The following RBFOX1 variants were observed in gnomAD, a reference collection of about 807,000 sequenced individuals.
RBFOX1 encodes RNA binding protein fox-1 homolog 1.
A neutral mutation model predicts 57.7 loss-of-function variants in RBFOX1; 8 were observed. The observed-to-expected ratio is 0.14, with a 90% CI of 0.08 to 0.25. The LOEUF is 0.25. RBFOX1 is among the 10% of genes least tolerant of loss of function. RBFOX1 has a pLI of 1.00. For synonymous variants in RBFOX1, 326 were observed against 222.4 expected (o/e 1.47, Z -4.15); for missense variants, 611 against 548.5 (o/e 1.11, Z -1.14).
intron 1 of RBFOX1, among the ~76,000 whole-genome samples, chr16:6,107,386 C>T (rs2096394193): frequency 6.6e-6 from 1 of 152,108 alleles, no homozygotes; most frequent in Admixed American, 6.5e-5. Context: ...TTCTTATCCA[C>T]ATGCTCAGGG....
intron 3 of RBFOX1, among the ~76,000 whole-genome samples, chr16:7,006,920 C>T (rs72776250): frequency 0.027 from 4,086 of 152,198 alleles, 126 homozygotes; most frequent in African/African-American, 0.074. Flanking sequence ...ATGGACGCAC[C>T]GTCTTGTCTC....
intron 3 of RBFOX1, among the ~76,000 whole-genome samples, chr16:6,810,413 C>A (rs1603627623): frequency 6.6e-6 from 1 of 152,082 alleles, no homozygotes; most frequent in African/African-American, 2.4e-5. Flanking sequence ...GACAATGGTA[C>A]TTTTTCCTGG....
At chr16:6,731,084 C>G (rs1277741199) in intron 3 of RBFOX1, among the ~76,000 whole-genome samples, 1 of 152,124 alleles carries the variant, frequency 6.6e-6, no homozygotes, top group Non-Finnish European at 1.5e-5. Flanking sequence ...TATCCTTTAC[C>G]TTTGGAAAAC....
At chr16:6,551,591 C>A (rs560875866) in intron 2 of RBFOX1, among the ~76,000 whole-genome samples, 1 of 152,064 alleles carries the variant, frequency 6.6e-6, no homozygotes, top group African/African-American at 2.4e-5. Flanking sequence ...CATAATTGAT[C>A]TGAAGGGGAG....
At chr16:7,393,731 G>C (rs2098087239) in intron 4 of RBFOX1, among the ~76,000 whole-genome samples, 1 of 151,944 alleles carries the variant, frequency 6.6e-6, no homozygotes, top group Admixed American at 6.5e-5. Context: ...ATCTGTCTTT[G>C]GCCACAAGGT....
chr16:7,626,369 C>A (rs184273544), intron 10 of RBFOX1, among the ~76,000 whole-genome samples: 239 of 152,318 alleles, frequency 1.6e-3, no homozygotes, highest in Non-Finnish European at 2.7e-3. Flanking sequence ...CATCTGAGAC[C>A]TTGGCACTGG....
At chr16:6,693,708 C>T (rs1195459345) in intron 3 of RBFOX1, among the ~76,000 whole-genome samples, 1 of 150,608 alleles carries the variant, frequency 6.6e-6, no homozygotes, top group Non-Finnish European at 1.5e-5. Context: ...CATCATCCTC[C>T]TCCACTACCA....
intron 3 of RBFOX1, among the ~76,000 whole-genome samples, chr16:6,894,824 A>C (rs1211313376): frequency 6.6e-6 from 1 of 152,236 alleles, no homozygotes; most frequent in Non-Finnish European, 1.5e-5. Context: ...TTTAGGTAGT[A>C]GTCCAGAATA....
At chr16:7,002,838 C>G (rs1473337115) in intron 3 of RBFOX1, among the ~76,000 whole-genome samples, 1 of 152,146 alleles carries the variant, frequency 6.6e-6, no homozygotes, top group East Asian at 1.9e-4. Flanking sequence ...GGAAATTAGG[C>G]TGATAGGAGT....
Position 6,894,000 on chromosome 16 carries a change from G to A in RBFOX1, c.-15-158057G>A, listed in dbSNP as rs529552651. Among the ~76,000 whole-genome samples, 33 of 152,248 alleles carry A rather than the reference G, an allele frequency of 2.2e-4. 2 individuals are homozygous for A. In the South Asian group the frequency reaches 6.6e-3, roughly 31 times the overall value. ...TCTAATATCCCAAAGACAGTGCTAT[G>A]ATGTCTTCTAATATCCCAAAGACAG... On this transcript the variant is annotated intron_variant, in intron 3 of 15. Coordinates refer to ENST00000550418, the MANE Select transcript of RBFOX1 (RefSeq NM_018723.4).
chr16:5,925,818 C>T (rs750426716), intron 4 of RBFOX1, among the ~76,000 whole-genome samples: 11 of 152,168 alleles, frequency 7.2e-5, no homozygotes, highest in Middle Eastern at 3.2e-3. Context: ...GCTCACACAT[C>T]GGCATAAACC....
At chr16:6,510,416 G>T (rs894387763) in intron 2 of RBFOX1, among the ~76,000 whole-genome samples, 1 of 152,224 alleles carries the variant, frequency 6.6e-6, no homozygotes, top group East Asian at 1.9e-4. Flanking sequence ...TTGATGACAC[G>T]CTGAGTCCCT....
At chr16:6,835,614 A>C (rs928941634) in intron 3 of RBFOX1, among the ~76,000 whole-genome samples, 1 of 151,900 alleles carries the variant, frequency 6.6e-6, no homozygotes, top group African/African-American at 2.4e-5. Flanking sequence ...GTAGCTGGGC[A>C]TGGTGGTGCA....
At chr16:5,294,540 C>G (rs542230770) in intron 1 of RBFOX1, among the ~76,000 whole-genome samples, 1 of 152,292 alleles carries the variant, frequency 6.6e-6, no homozygotes, top group South Asian at 2.1e-4. Context: ...CCCTCGTAAC[C>G]AGGTAGCTCC....
At chr16:5,342,783 A>G (rs1035143276) in intron 1 of RBFOX1, among the ~76,000 whole-genome samples, 1 of 152,172 alleles carries the variant, frequency 6.6e-6, no homozygotes, top group African/African-American at 2.4e-5. Context: ...TGGTATTGCA[A>G]CATGTCAGCA....
intron 4 of RBFOX1, among the ~76,000 whole-genome samples, chr16:7,167,106 C>T (rs900689195): frequency 2.0e-5 from 3 of 149,536 alleles, no homozygotes; most frequent in East Asian, 4.0e-4. Flanking sequence ...CTGCCTCAGC[C>T]TCCTGAGTAG....
intron 3 of RBFOX1, chr16:5,838,781 AT>A (rs1316662829): frequency 6.6e-6 from 1 of 152,226 alleles, no homozygotes; most frequent in African/African-American, 2.4e-5. Context: ...GCGCAAAAAA[AT>A]CTCTCTCTGC....
intron 4 of RBFOX1, among the ~76,000 whole-genome samples, chr16:7,499,401 T>G (rs910765857): frequency 2.6e-5 from 4 of 152,194 alleles, no homozygotes; most frequent in Non-Finnish European, 5.9e-5. Flanking sequence ...TAATTACATC[T>G]GCAGTGACCC....
chr16:7,355,766 C>T (rs981120911), intron 4 of RBFOX1, among the ~76,000 whole-genome samples: 1 of 152,194 alleles, frequency 6.6e-6, no homozygotes, highest in Non-Finnish European at 1.5e-5. Flanking sequence ...TTTCTTGCAT[C>T]TGTGCTCAAA....
Sources: allele counts gnomAD v4.1 joint callset (sites outside exome capture counted in the v4.1 genomes callset), GRCh38; gene constraint gnomAD v4.1.1; transcripts MANE v1.5; gene names NCBI Gene and HGNC (gene_info 2026-07-23, HGNC 2026-07-21).